The following PTDSS1 variants were observed in gnomAD, a reference collection of about 807,000 sequenced individuals.
PTDSS1 encodes PSS-1.
PTDSS1 carries 45 observed loss-of-function variants against 70.5 expected under a neutral mutation model. The observed-to-expected ratio is 0.64, with a 90% CI of 0.50 to 0.82. The LOEUF (loss-of-function observed/expected upper bound fraction) is 0.82, where lower values mean the gene tolerates loss of function less well. Among genes scored for constraint, PTDSS1 ranks in the 40% least tolerant of loss-of-function variants. PTDSS1 has a pLI of 0.00. For missense variants in PTDSS1, 417 were observed against 586.1 expected (o/e 0.71, Z 2.98); for synonymous variants, 188 against 203.8 (o/e 0.92, Z 0.66).
chr8:96,304,037 C>T lies in PTDSS1; in HGVS notation c.753-3C>T, dbSNP rs1586199201. 6.2e-7 allele frequency: 1 copy of T among 1,602,450 alleles called. No individual in the cohort carries two copies. The highest frequency in any genetic ancestry group is 1.1e-5 in the South Asian group (1 of 88,904). ...TTTCACTGGAGCCATTCTCTTCTTA[C>T]AGGGACATTCATACCACCACCGGGA... On this transcript the variant is annotated splice_polypyrimidine_tract_variant and splice_region_variant and intron_variant, in intron 6 of 12. Coordinates refer to ENST00000517309, the MANE Select transcript of PTDSS1 (RefSeq NM_014754.3).
At chr8:96,281,863 C>A (rs2130039282) in intron 2 of PTDSS1, among the ~76,000 whole-genome samples, 1 of 152,262 alleles carries the variant, frequency 6.6e-6, no homozygotes, top group South Asian at 2.1e-4. Flanking sequence ...TGCCTCAGTA[C>A]CCTTATCTGT....
chr8:96,333,439 T>C lies in PTDSS1; in HGVS notation c.1313-18T>C, dbSNP rs1188497654. The C allele has an allele frequency of 1.9e-6, 3 of 1,595,830 alleles. No individual in the cohort carries two copies. The highest frequency in any genetic ancestry group is 1.7e-6 in the Non-Finnish European group (2 of 1,163,464). On this transcript the variant is annotated intron_variant, in intron 12 of 12. Coordinates refer to ENST00000517309, the MANE Select transcript of PTDSS1 (RefSeq NM_014754.3). ...TCCAGAGCCCAGGGTGACGGTGTGCTCTGATTCCTTTGGCCAGGTTCTGAA... is the reference window on the plus strand; with the variant it reads ...TCCAGAGCCCAGGGTGACGGTGTGCCCTGATTCCTTTGGCCAGGTTCTGAA...
intron 1 of PTDSS1, among the ~76,000 whole-genome samples, chr8:96,263,644 G>A (rs961563215): frequency 1.3e-5 from 2 of 152,210 alleles, no homozygotes; most frequent in African/African-American, 4.8e-5. Context: ...GTCAGGGTCA[G>A]CAGAACATGT....
At chr8:96,328,425 A>G (rs1811468698) in intron 10 of PTDSS1, among the ~76,000 whole-genome samples, 1 of 152,348 alleles carries the variant, frequency 6.6e-6, no homozygotes, top group Middle Eastern at 3.4e-3. Context: ...GGCAAGCATT[A>G]GAGTATGTTA....
intron 9 of PTDSS1, among the ~76,000 whole-genome samples, chr8:96,315,228 G>C (rs1811269011): frequency 6.6e-6 from 1 of 152,142 alleles, no homozygotes; most frequent in Non-Finnish European, 1.5e-5. Context: ...AGTTAACATG[G>C]ATACACATCT....
intron 9 of PTDSS1, among the ~76,000 whole-genome samples, chr8:96,319,504 A>AAG (rs1811345152): frequency 6.6e-6 from 1 of 151,804 alleles, no homozygotes; most frequent in Non-Finnish European, 1.5e-5. Flanking sequence ...TTAAAAAAAA[A>AAG]CAAAAAATTT....
chr8:96,293,235 CTAT>C (rs1167996450), intron 4 of PTDSS1, among the ~76,000 whole-genome samples: 7 of 152,198 alleles, frequency 4.6e-5, no homozygotes. Context: ...TTTTCAAAAG[CTAT>C]TATTATGGAA....
At chr8:96,288,561 A>G (rs957854438) in intron 4 of PTDSS1, among the ~76,000 whole-genome samples, 6 of 150,878 alleles carry the variant, frequency 4.0e-5, no homozygotes, top group African/African-American at 1.2e-4. Context: ...CCTGATCTCA[A>G]ATGATCTGCC....
intron 10 of PTDSS1, among the ~76,000 whole-genome samples, chr8:96,322,446 A>G (rs1811385104): frequency 6.6e-6 from 1 of 152,036 alleles, no homozygotes; most frequent in Non-Finnish European, 1.5e-5. Context: ...GGTGGGCCGG[A>G]CTTACCCTTC....
intron 9 of PTDSS1, among the ~76,000 whole-genome samples, chr8:96,317,363 T>G (rs1811309934): frequency 6.6e-6 from 1 of 151,920 alleles, no homozygotes; most frequent in African/African-American, 2.4e-5. Context: ...ACACGGACAA[T>G]GGCTTAGCTA....
At chr8:96,330,913 A>C (rs531223808) in intron 11 of PTDSS1, 113 bp from the exon 12 acceptor site, 3 of 838,988 alleles carry the variant, frequency 3.6e-6, no homozygotes, top group East Asian at 2.5e-5. Flanking sequence ...GTCACTTGCC[A>C]GTGATGATCC....
intron 8 of PTDSS1, 66 bp downstream of exon 8, chr8:96,306,622 A>G (rs991429560): frequency 2.4e-6 from 3 of 1,262,498 alleles, no homozygotes; most frequent in Admixed American, 1.9e-5. Flanking sequence ...CCTGTTTAGC[A>G]TAAGGAAAGT....
intron 2 of PTDSS1, among the ~76,000 whole-genome samples, chr8:96,281,132 G>A (rs189868179): frequency 1.4e-4 from 22 of 152,264 alleles, no homozygotes; most frequent in Non-Finnish European, 2.4e-4. Context: ...CCTAGTGAGC[G>A]TAAGTATCAG....
intron 12 of PTDSS1, among the ~76,000 whole-genome samples, chr8:96,331,341 A>G (rs1046644186): frequency 2.0e-5 from 3 of 152,090 alleles, no homozygotes; most frequent in African/African-American, 7.2e-5. Flanking sequence ...CAGCCTGGCC[A>G]ACATGGTGAC....
intron 1 of PTDSS1, among the ~76,000 whole-genome samples, chr8:96,273,090 A>G (rs1231840308): frequency 1.3e-5 from 2 of 152,246 alleles, no homozygotes; most frequent in African/African-American, 4.8e-5. Flanking sequence ...TGAAATTAAC[A>G]GTCAGCATTA....
chr8:96,299,119 T>C (rs1277697162), intron 5 of PTDSS1, among the ~76,000 whole-genome samples: 1 of 152,174 alleles, frequency 6.6e-6, no homozygotes, highest in East Asian at 1.9e-4. Context: ...CTCACCACCT[T>C]GCACATCATG....
chr8:96,265,584 C>CAAACAAAACA lies in PTDSS1; in HGVS notation c.179+3394_179+3403dup, dbSNP rs111419887. On this transcript the variant is annotated intron_variant, in intron 1 of 12. Coordinates refer to ENST00000517309, the MANE Select transcript of PTDSS1 (RefSeq NM_014754.3). ...CATGGTGTAACCCTATCTCTACAAA[C>CAAACAAAACA]AAACAAAACAAAACAAAACAAAACA... is the stretch of plus-strand genomic sequence containing the variant. 3.5e-3 allele frequency among the ~76,000 whole-genome samples: 537 copies of CAAACAAAACA among 151,842 alleles called. 1 individual carries two copies. The highest frequency in any genetic ancestry group is 0.012 in the African/African-American group (486 of 41,360).
chr8:96,326,374 TTCTA>T (rs1335517258), intron 10 of PTDSS1, among the ~76,000 whole-genome samples: 4 of 152,296 alleles, frequency 2.6e-5, no homozygotes, highest in Non-Finnish European at 2.9e-5. Flanking sequence ...TTTGTTTTTT[TTCTA>T]TCTGTCTCCT....
chr8:96,276,970 G>A (rs1266819505), intron 2 of PTDSS1, among the ~76,000 whole-genome samples: 1,185 of 115,472 alleles, frequency 0.01, 22 homozygotes, highest in African/African-American at 0.036. Flanking sequence ...ATACACGCGC[G>A]CACGCGCGCG....
Sources: gnomAD v4.1 joint callset for allele counts (sites outside exome capture counted in the v4.1 genomes callset) on GRCh38, gnomAD v4.1.1 for gene constraint, MANE v1.5 for transcripts, NCBI Gene and HGNC (gene_info 2026-07-23, HGNC 2026-07-21) for gene names.